The following ZFPM2 variants were observed in gnomAD, a reference collection of about 807,000 sequenced individuals.
ZFPM2 encodes the protein zinc finger protein, FOG family member 2.
In ZFPM2, 20 loss-of-function variants were observed where a neutral mutation model predicts 98.6. The observed-to-expected ratio is 0.20, with a 90% CI of 0.14 to 0.29. The LOEUF (loss-of-function observed/expected upper bound fraction) is 0.29. Ranked by LOEUF, ZFPM2 falls within the 10% of genes least tolerant of loss-of-function variation. The probability of loss-of-function intolerance (pLI) is 1.00; values close to 1 mark genes in which losing one functional copy is unlikely to be tolerated. For synonymous variants in ZFPM2, 518 were observed against 502.7 expected, an observed-to-expected ratio of 1.03 and a Z score of -0.41; for missense variants, 1,310 against 1,388.6, an observed-to-expected ratio of 0.94 and a Z score of 0.90.
chr8:105,568,873 T>C (rs1219169226), intron 4 of ZFPM2, among the ~76,000 whole-genome samples: 1 of 152,108 alleles, frequency 6.6e-6, no homozygotes, highest in Non-Finnish European at 1.5e-5. Flanking sequence ...TCCACTCTCT[T>C]ATAGACTTTA....
intron 1 of ZFPM2, among the ~76,000 whole-genome samples, chr8:105,391,982 C>G (rs1243552408): frequency 2.0e-5 from 3 of 152,190 alleles, no homozygotes; most frequent in Non-Finnish European, 4.4e-5. Flanking sequence ...GTCCATCCAT[C>G]ACAGAAATCA....
chr8:105,799,085 C>G, intron 7 of ZFPM2, 137 bp downstream of exon 7: 1 of 763,548 alleles, frequency 1.3e-6, no homozygotes, highest in South Asian at 2.1e-5. Context: ...TCTGGGTCAA[C>G]CAGTGTGATC....
At chr8:105,682,133 G>T (rs544738801) in intron 5 of ZFPM2, among the ~76,000 whole-genome samples, 1 of 152,154 alleles carries the variant, frequency 6.6e-6, no homozygotes, top group Non-Finnish European at 1.5e-5. Flanking sequence ...TTCCGTTCAA[G>T]CCATTACAAG....
intron 5 of ZFPM2, among the ~76,000 whole-genome samples, chr8:105,772,948 G>A (rs1309232606): frequency 6.6e-6 from 1 of 152,142 alleles, no homozygotes; most frequent in Non-Finnish European, 1.5e-5. Flanking sequence ...TGAATGCAGT[G>A]CCATTTAGTT....
chr8:105,505,587 A>G (rs1346473109), intron 3 of ZFPM2, among the ~76,000 whole-genome samples: 1 of 152,166 alleles, frequency 6.6e-6, no homozygotes. Context: ...ATAGAAATAC[A>G]GTATTTGGCT....
At chr8:105,369,137 C>A (rs4734858) in intron 1 of ZFPM2, among the ~76,000 whole-genome samples, 20,017 of 152,080 alleles carry the variant, frequency 0.13, 1,762 homozygotes, top group East Asian at 0.49. Context: ...TTTGCTCCTA[C>A]ATTTAACTGG....
Position 105,475,371 on chromosome 8 carries a change from G to A in ZFPM2, c.301+30990G>A, listed in dbSNP as rs1324365078. ...TGACCTAGAAATTAGGAAACACTTC[G>A]GTGCTCCCTCTTGGTACCCCGTGCA... On this transcript the variant is annotated intron_variant, in intron 3 of 7. Transcript: ENST00000407775. Among the ~76,000 whole-genome samples the A allele has an allele frequency of 2.6e-5, 4 of 152,042 alleles. No homozygotes were observed. In the East Asian group the frequency reaches 5.8e-4, roughly 22 times the overall value.
At chr8:105,333,171 T>A (rs1812263884) in intron 1 of ZFPM2, among the ~76,000 whole-genome samples, 1 of 151,790 alleles carries the variant, frequency 6.6e-6, no homozygotes, top group African/African-American at 2.4e-5. Flanking sequence ...ACTTTCATTT[T>A]GTGAAGTTTA....
intron 5 of ZFPM2, among the ~76,000 whole-genome samples, chr8:105,696,893 TC>T (rs1563525860): frequency 6.6e-6 from 1 of 152,164 alleles, no homozygotes; most frequent in Non-Finnish European, 1.5e-5. Context: ...ACTGATAATC[TC>T]TAAATATAAA....
intron 5 of ZFPM2, among the ~76,000 whole-genome samples, chr8:105,637,374 A>G (rs1816866073): frequency 6.6e-6 from 1 of 152,138 alleles, no homozygotes; most frequent in African/African-American, 2.4e-5. Flanking sequence ...TGGAACCCTA[A>G]GATTAAAGAA....
Position 105,804,486 on chromosome 8 carries a change from A to ATGTT in ZFPM2, c.*949_*952dup, listed in dbSNP as rs1814144022. ...TCTGATAGAAATAATTTCTCAACAA[A>ATGTT]TGTTGTTACTATGCATGTATATGGA... On this transcript the variant is annotated 3_prime_UTR_variant, in exon 8 of 8. Transcript: ENST00000407775. 6.6e-6 allele frequency: 1 copy of ATGTT among 152,600 alleles called. No homozygotes were observed. Among genetic ancestry groups the ATGTT allele is most frequent in the Admixed American group, 6.6e-5 (1 of 15,264 alleles). 9.5% of individuals were successfully genotyped at this position (152,600 alleles called of 1,614,324 possible). A position where few individuals can be genotyped will look rare whatever the true frequency, so the allele number is the denominator to read the frequency against.
chr8:105,550,723 G>T (rs1814832239), intron 3 of ZFPM2, among the ~76,000 whole-genome samples: 1 of 152,152 alleles, frequency 6.6e-6, no homozygotes, highest in African/African-American at 2.4e-5. Context: ...GTGTGAATCA[G>T]GGAAGTGTTC....
intron 3 of ZFPM2, among the ~76,000 whole-genome samples, chr8:105,560,443 G>A (rs1161890116): frequency 6.6e-6 from 1 of 151,764 alleles, no homozygotes; most frequent in Non-Finnish European, 1.5e-5. Context: ...AAACATTTTA[G>A]TATGGTGATA....
chr8:105,581,158 A>G (rs539218968), intron 4 of ZFPM2, among the ~76,000 whole-genome samples: 1 of 152,222 alleles, frequency 6.6e-6, no homozygotes, highest in East Asian at 1.9e-4. Flanking sequence ...ATTCTACTAG[A>G]TGCCATTTTA....
At chr8:105,501,885 CAT>C (rs1813603202) in intron 3 of ZFPM2, among the ~76,000 whole-genome samples, 2 of 147,302 alleles carry the variant, frequency 1.4e-5, no homozygotes, top group African/African-American at 2.6e-5. Flanking sequence ...AATTTTCAAA[CAT>C]ATGTTAAACA....
chr8:105,591,363 C>T (rs1356078257), intron 4 of ZFPM2, among the ~76,000 whole-genome samples: 1 of 151,890 alleles, frequency 6.6e-6, no homozygotes, highest in African/African-American at 2.4e-5. Flanking sequence ...AGTTTTCTGT[C>T]ACAGTTTGTT....
intron 3 of ZFPM2, among the ~76,000 whole-genome samples, chr8:105,453,174 A>G (rs1009454397): frequency 2.0e-5 from 3 of 152,212 alleles, no homozygotes; most frequent in African/African-American, 7.2e-5. Context: ...TTTCAACTAC[A>G]TATTTAGTAT....
At chr8:105,581,315 G>A (rs1815592476) in intron 4 of ZFPM2, among the ~76,000 whole-genome samples, 1 of 152,134 alleles carries the variant, frequency 6.6e-6, no homozygotes, top group African/African-American at 2.4e-5. Context: ...AAGAATGAAT[G>A]AATCAATGTG....
intron 5 of ZFPM2, among the ~76,000 whole-genome samples, chr8:105,696,721 T>C (rs1375425238): frequency 1.3e-5 from 2 of 152,202 alleles, no homozygotes; most frequent in Non-Finnish European, 2.9e-5. Flanking sequence ...AACTTTAAAT[T>C]ATATTTCTTT....
Sources: gnomAD v4.1 joint callset for allele counts (sites outside exome capture counted in the v4.1 genomes callset) on GRCh38, gnomAD v4.1.1 for gene constraint, MANE v1.5 for transcripts, NCBI Gene and HGNC (gene_info 2026-07-23, HGNC 2026-07-21) for gene names.